Variants in AK9 observed in about 807,000 individuals in gnomAD.
AK9 encodes adenylate kinase 9.
A neutral mutation model predicts 239.6 loss-of-function variants in AK9; 191 were observed. That is an observed-to-expected ratio of 0.80 (90% CI 0.71 to 0.90). The LOEUF is 0.90. Ranked by LOEUF, AK9 falls within the 40% of genes least tolerant of loss-of-function variation. AK9 has a pLI of 0.00. For synonymous variants in AK9, 689 were observed against 721.0 expected, an observed-to-expected ratio of 0.96 and a Z score of 0.71; for missense variants, 1,995 against 2,214.7, an observed-to-expected ratio of 0.90 and a Z score of 1.99.
chr6:109,525,344 G>A (rs932454959), intron 29 of AK9, among the ~76,000 whole-genome samples: 5 of 152,042 alleles, frequency 3.3e-5, no homozygotes, highest in African/African-American at 7.2e-5. Flanking sequence ...GCTTTTTCAC[G>A]CAAAAGAAAC....
At chr6:109,618,638 G>A (rs528770253) in intron 13 of AK9, among the ~76,000 whole-genome samples, 30 of 152,206 alleles carry the variant, frequency 2.0e-4, no homozygotes, top group African/African-American at 6.7e-4. Flanking sequence ...TTAGAGAAGG[G>A]TGTTAAGTGA....
intron 1 of AK9, among the ~76,000 whole-genome samples, chr6:109,689,005 A>T (rs1773915728): frequency 6.6e-6 from 1 of 152,156 alleles, no homozygotes; most frequent in Non-Finnish European, 1.5e-5. Context: ...CCTTACAATG[A>T]CACAGTAACC....
intron 17 of AK9, among the ~76,000 whole-genome samples, chr6:109,601,355 A>AG (rs1791928953): frequency 6.6e-6 from 1 of 152,180 alleles, no homozygotes; most frequent in Non-Finnish European, 1.5e-5. Context: ...ATTCAGGAGC[A>AG]GGTTGTTGAG....
chr6:109,627,133 C>G (rs1194636025), intron 12 of AK9, among the ~76,000 whole-genome samples: 1 of 67,308 alleles, frequency 1.5e-5, no homozygotes, highest in Non-Finnish European at 2.7e-5. Context: ...GATGTTTAAG[C>G]TTTTTTTTTT....
intron 20 of AK9, 56 bp from the exon 21 acceptor site, chr6:109,573,650 TG>T: frequency 1.3e-6 from 2 of 1,484,856 alleles, no homozygotes; most frequent in South Asian, 2.6e-5. Flanking sequence ...AAATATTTAT[TG>T]GGTGTTGATA....
intron 10 of AK9, among the ~76,000 whole-genome samples, chr6:109,634,260 G>A (rs1486216578): frequency 6.6e-6 from 1 of 152,128 alleles, no homozygotes; most frequent in Non-Finnish European, 1.5e-5. Flanking sequence ...CCCTGGCTCT[G>A]GCTCTTGCAC....
chr6:109,506,230 G>C (rs1363732454), intron 35 of AK9, 97 bp downstream of exon 35: 61 of 1,093,546 alleles, frequency 5.6e-5, no homozygotes, highest in East Asian at 2.4e-5. Flanking sequence ...AGTCACGCCT[G>C]ACTCATGTTC....
intron 10 of AK9, among the ~76,000 whole-genome samples, chr6:109,636,631 A>G (rs1324814704): frequency 2.7e-5 from 4 of 150,602 alleles, no homozygotes; most frequent in East Asian, 2.0e-4. Context: ...TGTATCTCGT[A>G]TAAGTGGAAT....
At chr6:109,527,032 C>T (rs1780611929) in intron 29 of AK9, among the ~76,000 whole-genome samples, 1 of 151,784 alleles carries the variant, frequency 6.6e-6, no homozygotes, top group African/African-American at 2.4e-5. Context: ...CTCACTTGCT[C>T]CCCGGGCTTC....
At chr6:109,554,082 G>A (rs1285680300) in intron 24 of AK9, among the ~76,000 whole-genome samples, 1 of 152,150 alleles carries the variant, frequency 6.6e-6, no homozygotes, top group African/African-American at 2.4e-5. Flanking sequence ...CTTTTTTGAT[G>A]CACTGCTGGA....
intron 12 of AK9, among the ~76,000 whole-genome samples, chr6:109,630,989 A>G (rs1267077158): frequency 6.6e-6 from 1 of 152,348 alleles, no homozygotes; most frequent in Non-Finnish European, 1.5e-5. Context: ...CTGAATATCT[A>G]TATGGGAAAA....
chr6:109,506,856 CCTTT>C, intron 33 of AK9, 56 bp from the exon 34 acceptor site: 6 of 1,443,706 alleles, frequency 4.2e-6, no homozygotes, highest in Non-Finnish European at 5.5e-6. Flanking sequence ...TCTCGTACTT[CCTTT>C]CTGTCTTCCA....
intron 17 of AK9, among the ~76,000 whole-genome samples, chr6:109,596,233 C>T (rs1178174432): frequency 1.3e-5 from 2 of 152,102 alleles, no homozygotes; most frequent in Admixed American, 6.6e-5. Context: ...TCCTGCTCAG[C>T]CCTGGAGAAG....
intron 29 of AK9, among the ~76,000 whole-genome samples, chr6:109,526,306 A>G (rs962901023): frequency 4.6e-5 from 7 of 152,152 alleles, no homozygotes; most frequent in Non-Finnish European, 7.4e-5. Flanking sequence ...AAAAGAAAAA[A>G]TAAAATAAAA....
intron 8 of AK9, among the ~76,000 whole-genome samples, chr6:109,646,914 A>C (rs934953701): frequency 2.0e-5 from 3 of 152,234 alleles, no homozygotes; most frequent in Non-Finnish European, 4.4e-5. Context: ...CACAAGCCAG[A>C]AGAGAGTGGG....
At chr6:109,557,021 C>T (rs1785080143) in intron 24 of AK9, among the ~76,000 whole-genome samples, 1 of 151,994 alleles carries the variant, frequency 6.6e-6, no homozygotes, top group Non-Finnish European at 1.5e-5. Flanking sequence ...AGTTCTGTGC[C>T]CTTGGTGGAG....
chr6:109,561,626 T>C (rs1222973724), intron 24 of AK9, among the ~76,000 whole-genome samples: 4 of 152,200 alleles, frequency 2.6e-5, no homozygotes, highest in South Asian at 2.1e-4. Flanking sequence ...CATTTTTTTT[T>C]CCCTTCAATA....
chr6:109,672,283 A>G (rs1020447142), intron 3 of AK9, 116 bp from the exon 4 acceptor site: 2 of 930,690 alleles, frequency 2.1e-6, no homozygotes, highest in Non-Finnish European at 1.7e-6. Context: ...ATCACTTTAT[A>G]ATTTACAATG....
chr6:109,669,374 C>A (rs558013198), intron 5 of AK9, among the ~76,000 whole-genome samples: 33 of 152,020 alleles, frequency 2.2e-4, no homozygotes, highest in Non-Finnish European at 3.8e-4. Flanking sequence ...ATTGAATACC[C>A]TTTATTTCTT....
Sources: gnomAD v4.1 joint callset for allele counts (sites outside exome capture counted in the v4.1 genomes callset) on GRCh38, gnomAD v4.1.1 for gene constraint, MANE v1.5 for transcripts, NCBI Gene and HGNC (gene_info 2026-07-23, HGNC 2026-07-21) for gene names.